HDAC9: variants seen among roughly 807,000 people sequenced by gnomAD.
HDAC9 encodes histone deacetylase 9.
HDAC9 carries 41 observed loss-of-function variants against 139.4 expected under a neutral mutation model. The observed-to-expected ratio is 0.29, with a 90% CI of 0.23 to 0.38. The LOEUF (loss-of-function observed/expected upper bound fraction) is 0.38. Among genes scored for constraint, HDAC9 ranks in the 10% least tolerant of loss-of-function variants. The probability of loss-of-function intolerance (pLI) is 1.00; values close to 1 mark genes in which losing one functional copy is unlikely to be tolerated. For synonymous variants in HDAC9, 517 were observed against 476.2 expected (o/e 1.09, Z -1.12); for missense variants, 1,147 against 1,297.0 (o/e 0.88, Z 1.78).
Position 18,650,823 on chromosome 7 carries a change from G to C in HDAC9, c.1467+2140G>C, listed in dbSNP as rs146495110. The stretch of plus-strand genomic sequence containing the variant: ...CCAGAAAACTTCAAAGTCCAAAGCT[G>C]ATCTTTATATGTTAACCTCTCTCAG... On this transcript the variant is annotated intron_variant, in intron 11 of 25. Coordinates refer to ENST00000686413, the MANE Select transcript of HDAC9 (RefSeq NM_178425.4). Among the ~76,000 whole-genome samples, 3 of 152,210 alleles carry C rather than the reference G, an allele frequency of 2.0e-5. No homozygotes were observed. The East Asian group carries it at 5.8e-4, about 29-fold the overall frequency.
At chr7:18,392,311 T>TCACA (rs1448388852) in intron 1 of HDAC9, among the ~76,000 whole-genome samples, 174 of 124,562 alleles carry the variant, frequency 1.4e-3, no homozygotes, top group African/African-American at 5.4e-3. Flanking sequence ...TCTCTCTCTC[T>TCACA]CTCTCACACA....
chr7:18,219,172 T>C (rs1792515115), intron 2 of HDAC9, among the ~76,000 whole-genome samples: 1 of 152,186 alleles, frequency 6.6e-6, no homozygotes, highest in South Asian at 2.1e-4. Context: ...TTTAAGAGTC[T>C]TATTCTTGAA....
At position 18,638,638 on chromosome 7, in the gene HDAC9, G is replaced by A. The variant is rs899064502; in HGVS notation, c.912+3896G>A. 7.2e-5 allele frequency among the ~76,000 whole-genome samples: 11 copies of A among 152,094 alleles called. No homozygotes were observed. The East Asian group carries it at 1.2e-3, about 16-fold the overall frequency. ...AGGCAGGTGGTAAATTGTGAAGTTC[G>A]GAACAAGTTCATTTTTTGTTGTTAT... On this transcript the variant is annotated intron_variant, in intron 8 of 25. Transcript: ENST00000686413.
intron 17 of HDAC9, among the ~76,000 whole-genome samples, chr7:18,826,700 T>C (rs1017220104): frequency 2.2e-4 from 33 of 148,082 alleles, no homozygotes; most frequent in African/African-American, 8.3e-4. Flanking sequence ...ACTAATTACC[T>C]ATGAGATTTC....
intron 6 of HDAC9, 127 bp downstream of exon 6, chr7:18,594,156 C>G (rs191673304): frequency 1.1e-5 from 9 of 848,056 alleles, no homozygotes; most frequent in Non-Finnish European, 1.7e-5. Flanking sequence ...ACCCCTGCCC[C>G]CAGCATAAGC....
intron 1 of HDAC9, among the ~76,000 whole-genome samples, chr7:18,477,754 C>T (rs1440702498): frequency 2.0e-5 from 3 of 152,030 alleles, no homozygotes; most frequent in African/African-American, 4.8e-5. Context: ...TTATCACATG[C>T]GTTCATGAAA....
chr7:18,277,477 G>A (rs1460639965), intron 2 of HDAC9, among the ~76,000 whole-genome samples: 1 of 152,194 alleles, frequency 6.6e-6, no homozygotes, highest in Non-Finnish European at 1.5e-5. Context: ...TAGTAGGTGT[G>A]CAAGGTGGGA....
chr7:18,484,470 A>G (rs1229726900), intron 1 of HDAC9, among the ~76,000 whole-genome samples: 1 of 152,128 alleles, frequency 6.6e-6, no homozygotes, highest in Non-Finnish European at 1.5e-5. Context: ...TGCTATAAGC[A>G]TGTTTTGAGT....
intron 2 of HDAC9, among the ~76,000 whole-genome samples, chr7:18,534,150 C>T (rs1281404616): frequency 1.3e-5 from 2 of 152,150 alleles, no homozygotes; most frequent in African/African-American, 2.4e-5. Flanking sequence ...TCTTTGGAAG[C>T]TCATCATTTG....
At chr7:18,705,871 A>G (rs1257434141) in intron 12 of HDAC9, among the ~76,000 whole-genome samples, 1 of 145,984 alleles carries the variant, frequency 6.9e-6, no homozygotes, top group Non-Finnish European at 1.5e-5. Flanking sequence ...AAATAAAATA[A>G]AATAAAATAA....
At chr7:18,320,318 G>C (rs532228769) in intron 1 of HDAC9, among the ~76,000 whole-genome samples, 23 of 152,282 alleles carry the variant, frequency 1.5e-4, no homozygotes, top group African/African-American at 5.5e-4. Context: ...CCTCCACAAG[G>C]CTTCGAAATC....
At chr7:18,566,700 A>G (rs1822479595) in intron 2 of HDAC9, among the ~76,000 whole-genome samples, 1 of 152,318 alleles carries the variant, frequency 6.6e-6, no homozygotes, top group Admixed American at 6.5e-5. Context: ...CTGTTTCTTT[A>G]CATTGACAAG....
At chr7:18,690,934 G>A (rs1399260663) in intron 12 of HDAC9, among the ~76,000 whole-genome samples, 4 of 151,790 alleles carry the variant, frequency 2.6e-5, no homozygotes, top group Admixed American at 1.3e-4. Context: ...TATACCTTGC[G>A]ATTATAGTTT....
At chr7:18,487,636 C>T (rs1454159215) in intron 1 of HDAC9, among the ~76,000 whole-genome samples, 1 of 152,030 alleles carries the variant, frequency 6.6e-6, no homozygotes. Context: ...TCTGTTGAAA[C>T]ATAAGTAAAA....
intron 2 of HDAC9, among the ~76,000 whole-genome samples, chr7:18,507,777 G>A (rs572143168): frequency 4.6e-5 from 7 of 152,276 alleles, no homozygotes; most frequent in African/African-American, 1.7e-4. Context: ...AATATGTTTT[G>A]TGTTTTGTTT....
chr7:18,505,045 C>A (rs892328318), intron 2 of HDAC9, among the ~76,000 whole-genome samples: 1 of 152,194 alleles, frequency 6.6e-6, no homozygotes, highest in Non-Finnish European at 1.5e-5. Flanking sequence ...ATCCTTACTT[C>A]ATGTTCTCAG....
intron 24 of HDAC9, among the ~76,000 whole-genome samples, chr7:18,971,621 A>G (rs557288023): frequency 6.6e-6 from 1 of 152,304 alleles, no homozygotes; most frequent in South Asian, 2.1e-4. Context: ...ACCCACTTCC[A>G]TTTCAATTAT....
At chr7:18,784,856 C>A (rs1463946930) in intron 16 of HDAC9, among the ~76,000 whole-genome samples, 1 of 151,980 alleles carries the variant, frequency 6.6e-6, no homozygotes, top group African/African-American at 2.4e-5. Context: ...TCCATGTACT[C>A]CCAGCCTGCC....
At chr7:18,380,830 C>G in intron 1 of HDAC9, among the ~76,000 whole-genome samples, 1 of 152,120 alleles carries the variant, frequency 6.6e-6, no homozygotes, top group East Asian at 1.9e-4. Flanking sequence ...ACATCTTTAC[C>G]TCCAGCACTC....
Sources: gnomAD v4.1 joint callset for allele counts (sites outside exome capture counted in the v4.1 genomes callset) on GRCh38, gnomAD v4.1.1 for gene constraint, MANE v1.5 for transcripts, NCBI Gene and HGNC (gene_info 2026-07-23, HGNC 2026-07-21) for gene names.